Variants in NFE2 observed in about 807,000 individuals in gnomAD.
The protein encoded by NFE2 is transcription factor NF-E2 45 kDa subunit.
NFE2 carries 13 observed loss-of-function variants against 25.8 expected under a neutral mutation model. That is an observed-to-expected ratio of 0.50 (90% CI 0.33 to 0.80). The LOEUF (loss-of-function observed/expected upper bound fraction) is 0.80. Among genes scored for constraint, NFE2 ranks in the 30% least tolerant of loss-of-function variants. NFE2 has a pLI of 0.02. For synonymous variants in NFE2, 204 were observed against 200.2 expected, an observed-to-expected ratio of 1.02 and a Z score of -0.16; for missense variants, 382 against 478.9, an observed-to-expected ratio of 0.80 and a Z score of 1.89.
intron 2 of NFE2, among the ~76,000 whole-genome samples, chr12:54,294,597 C>A (rs1944352573): frequency 6.6e-6 from 1 of 152,148 alleles, no homozygotes; most frequent in Non-Finnish European, 1.5e-5. Flanking sequence ...AGGCCCCCAA[C>A]CTACATCAGG....
Position 54,293,320 on chromosome 12 carries a change from G to A in NFE2, c.176C>T (p.Pro59Leu), listed in dbSNP as rs1418129588. Residue 59 changes from proline to leucine, a missense_variant, in exon 3 of 3, where the codon CCT (proline) becomes CTT (leucine). Physicochemically the swap from Pro to Leu is moderately conservative, Grantham distance 98 (BLOSUM62 -3). Coordinates refer to ENST00000435572, the MANE Select transcript of NFE2 (RefSeq NM_001136023.3). ...GGGGCAGTAAGTTGTGGGTGGTGGA[G>A]GTCCAAGGTATGGAGCTGGGGCTTG... is the stretch of plus-strand genomic sequence containing the variant. ...EPQAPAPYLG[P>L]PPPTTYCPCS... 2 of 1,597,502 alleles carry A rather than the reference G, an allele frequency of 1.3e-6. No individual in the cohort carries two copies. The highest frequency in any genetic ancestry group is 1.7e-6 in the Non-Finnish European group (2 of 1,170,538).
chr12:54,295,105 G>A (rs749714668), intron 2 of NFE2, 30 bp downstream of exon 2: 2 of 1,579,266 alleles, frequency 1.3e-6, no homozygotes, highest in Non-Finnish European at 1.7e-6. Context: ...CCGACACACG[G>A]CCTCCCCTGC....
At position 54,295,183 on chromosome 12, in the gene NFE2, T is replaced by C. The variant is rs769260292; in HGVS notation, c.66A>G (p.Gly22=). 6 of 1,614,162 alleles carry C rather than the reference T, an allele frequency of 3.7e-6. No homozygotes were observed. In the Admixed American group the frequency reaches 1.0e-4, roughly 27 times the overall value. The stretch of plus-strand genomic sequence containing the variant: ...TCTCCTGCCAAGTCAGTTCCATCTC[T>C]CCTAGCTCTGAAGTGGACAGCTGTA... ...RVIQLSTSEL[G]EMELTWQEIM... The change falls in exon 2 of 3, where the codon GGA becomes GGG. Residue 22 remains glycine (G), a synonymous_variant. Transcript: ENST00000435572.
At chr12:54,294,116 T>G (rs1044677212) in intron 2 of NFE2, among the ~76,000 whole-genome samples, 1 of 149,116 alleles carries the variant, frequency 6.7e-6, no homozygotes, top group Non-Finnish European at 1.5e-5. Context: ...TACAAAAAAT[T>G]AGCTGGGGTG....
In NFE2 at chr12:54,292,565, C is replaced by T; in HGVS notation, c.931G>A (p.Ala311Thr). The T allele has an allele frequency of 6.2e-7, 1 of 1,614,116 alleles. No individual in the cohort carries two copies. The highest frequency in any genetic ancestry group is 8.5e-7 in the Non-Finnish European group (1 of 1,180,030). The change falls in exon 3 of 3, where the codon GCC (alanine) becomes ACC (threonine). Residue 311 changes from alanine to threonine, a missense_variant. Physicochemically the swap from Ala to Thr is moderately conservative, Grantham distance 58 (BLOSUM62 0). Coordinates refer to ENST00000435572, the MANE Select transcript of NFE2 (RefSeq NM_001136023.3). ...LTNERERLLR[A>T]RGEADRTLEV... ...AGGGTCCGGTCTGCCTCCCCGCGGGCCCTGAGAAGCCGCTCCCGTTCATTG... is the reference window on the plus strand; with the variant it reads ...AGGGTCCGGTCTGCCTCCCCGCGGGTCCTGAGAAGCCGCTCCCGTTCATTG...
intron 1 of NFE2, among the ~76,000 whole-genome samples, chr12:54,299,596 T>G (rs982827951): frequency 6.6e-6 from 1 of 152,106 alleles, no homozygotes; most frequent in Non-Finnish European, 1.5e-5. Context: ...CCCAGAAAGA[T>G]TTTTATCATA....
At chr12:54,296,247 A>G (rs1294040012) in intron 1 of NFE2, among the ~76,000 whole-genome samples, 1 of 152,026 alleles carries the variant, frequency 6.6e-6, no homozygotes, top group Non-Finnish European at 1.5e-5. Context: ...TCTACTAAAA[A>G]TACAAAAATT....
chr12:54,297,584 T>TG (rs1217182944), intron 1 of NFE2, among the ~76,000 whole-genome samples: 1 of 141,700 alleles, frequency 7.1e-6, no homozygotes, highest in African/African-American at 2.7e-5. Context: ...GAGAATTGCT[T>TG]GAACCCGGGA....
chr12:54,292,595 G>GCCGCTCCAGCTC lies in NFE2; in HGVS notation c.889_900dup (p.Glu297_Arg300dup), dbSNP rs1323031952. 6.2e-7 allele frequency: 1 copy of GCCGCTCCAGCTC among 1,614,134 alleles called. No homozygotes were observed. Among genetic ancestry groups the GCCGCTCCAGCTC allele is most frequent in the East Asian group, 2.2e-5 (1 of 44,884 alleles). ...AGAAGCCGCTCCCGTTCATTGGTCAGCCGCTCCAGCTCCCGCTCCAGCTGC... is the reference window on the plus strand; with the variant it reads ...AGAAGCCGCTCCCGTTCATTGGTCAGCCGCTCCAGCTCCCGCTCCAGCTCCCGCTCCAGCTGC... On this transcript the variant is annotated inframe_insertion, in exon 3 of 3. Coordinates refer to ENST00000435572, the MANE Select transcript of NFE2 (RefSeq NM_001136023.3).
In NFE2 at chr12:54,292,893, G is replaced by T. The variant is rs780423308; in HGVS notation, c.603C>A (p.Thr201=). 23 of 1,611,110 alleles carry T rather than the reference G, an allele frequency of 1.4e-5. No homozygotes were observed. In the South Asian group the frequency reaches 2.5e-4, roughly 18 times the overall value. The change falls in exon 3 of 3, where the codon ACC becomes ACA. Residue 201 remains threonine (T), a synonymous_variant. Transcript: ENST00000435572. ...CTGAGGAGGGCTCTAAGGCCAAGGG[G>T]GTCTCAGCAGCTGGCAAGGTATAGT... ...HSNYTLPAAE[T]PLALEPSSGP...
intron 2 of NFE2, 90 bp from the exon 3 acceptor site, chr12:54,293,471 C>G (rs547077114): frequency 6.4e-5 from 85 of 1,334,238 alleles, no homozygotes; most frequent in East Asian, 4.9e-4. Flanking sequence ...TTCTGAAAGT[C>G]GCAGTGAGGT....
At chr12:54,294,068 T>C (rs1944345675) in intron 2 of NFE2, among the ~76,000 whole-genome samples, 1 of 151,558 alleles carries the variant, frequency 6.6e-6, no homozygotes, top group South Asian at 2.1e-4. Flanking sequence ...ATCAAGAACG[T>C]CCTGGCTAAC....
chr12:54,295,431 C>T, intron 1 of NFE2, 127 bp from the exon 2 acceptor site: 1 of 572,946 alleles, frequency 1.7e-6, no homozygotes, highest in Non-Finnish European at 3.1e-6. Flanking sequence ...CCCATCCTCA[C>T]TCATGCTGGA....
chr12:54,296,818 C>T (rs1251758275), intron 1 of NFE2, among the ~76,000 whole-genome samples: 1 of 152,156 alleles, frequency 6.6e-6, no homozygotes, highest in African/African-American at 2.4e-5. Flanking sequence ...GACAAATTGA[C>T]CTTGGAGGTC....
At position 54,292,467 on chromosome 12, in the gene NFE2, G is replaced by A. The variant is rs772518460; in HGVS notation, c.1029C>T (p.Asn343=). 2.7e-5 allele frequency: 44 copies of A among 1,614,086 alleles called. No homozygotes were observed. Among genetic ancestry groups the A allele is most frequent in the Non-Finnish European group, 3.5e-5 (41 of 1,180,040 alleles). ...GCGCGTACTCTTCAGGAGAGTAGCT[G>A]TTGCCTGATTCATCCCGAAGGTGCT... is the stretch of plus-strand genomic sequence containing the variant. The part of the protein sequence containing the change: ...IFQHLRDESG[N]SYSPEEYALQ... Residue 343 remains asparagine (N), a synonymous_variant, in exon 3 of 3, where the codon AAC becomes AAT. Transcript: ENST00000435572.
At position 54,292,752 on chromosome 12, in the gene NFE2, A is replaced by G. The variant is rs762052210; in HGVS notation, c.744T>C (p.Asp248=). The G allele has an allele frequency of 6.2e-7, 1 of 1,614,170 alleles. No individual in the cohort carries two copies. The highest frequency in any genetic ancestry group is 8.5e-7 in the Non-Finnish European group (1 of 1,180,026). ...ACCTTGCCAATAGCTCATTAAAGTC[A>G]TCTACCGGCAAGTTGACAATCTTGT... The part of the protein sequence containing the change: ...PTDKIVNLPV[D]DFNELLARYP... The change falls in exon 3 of 3, where the codon GAT becomes GAC. Residue 248 remains aspartate, a synonymous_variant. Transcript: ENST00000435572.
chr12:54,298,535 C>T (rs1394195619), intron 1 of NFE2, among the ~76,000 whole-genome samples: 1 of 138,948 alleles, frequency 7.2e-6, no homozygotes, highest in Non-Finnish European at 1.6e-5. Context: ...AAAAAAGATA[C>T]ATGACCGTGG....
At chr12:54,299,339 C>T (rs1327831156) in intron 1 of NFE2, among the ~76,000 whole-genome samples, 2 of 152,134 alleles carry the variant, frequency 1.3e-5, no homozygotes, top group Non-Finnish European at 2.9e-5. Context: ...AAATAGAACA[C>T]CATAGAGGGT....
chr12:54,292,582 C>G lies in NFE2; in HGVS notation c.914G>C (p.Arg305Pro). Residue 305 changes from arginine to proline, a missense_variant, in exon 3 of 3, where the codon CGG (arginine) becomes CCG (proline). Coordinates refer to ENST00000435572, the MANE Select transcript of NFE2 (RefSeq NM_001136023.3). Reference protein sequence around the residue: ...ERELERLTNERERLLRARGEA... With the variant: ...ERELERLTNEPERLLRARGEA... ...CCCGCGGGCCCTGAGAAGCCGCTCC[C>G]GTTCATTGGTCAGCCGCTCCAGCTC... 2 of 1,614,160 alleles carry G rather than the reference C, an allele frequency of 1.2e-6. No homozygotes were observed. Among genetic ancestry groups the G allele is most frequent in the South Asian group, 1.1e-5 (1 of 91,088 alleles).
Sources: gnomAD v4.1 joint callset for allele counts (sites outside exome capture counted in the v4.1 genomes callset) on GRCh38, gnomAD v4.1.1 for gene constraint, MANE v1.5 for transcripts, NCBI Gene and HGNC (gene_info 2026-07-23, HGNC 2026-07-21) for gene names.